Variants in TRIP12 observed in about 807,000 individuals in gnomAD.
TRIP12 encodes the protein E3 ubiquitin-protein ligase TRIP12.
Under a neutral mutation model 244.2 loss-of-function variants are expected in TRIP12, and 25 were observed. That is an observed-to-expected ratio of 0.10 (90% CI 0.07 to 0.14). The LOEUF (loss-of-function observed/expected upper bound fraction) is 0.14. Ranked by LOEUF, TRIP12 falls within the 10% of genes least tolerant of loss-of-function variation. TRIP12 has a pLI of 1.00. For missense variants in TRIP12, 1,677 were observed against 2,486.4 expected (o/e 0.67, Z 6.92); for synonymous variants, 905 against 873.1 (o/e 1.04, Z -0.64).
intron 31 of TRIP12, 133 bp from the exon 32 acceptor site, chr2:229,789,073 C>T: frequency 1.3e-6 from 1 of 777,670 alleles, no homozygotes; most frequent in Non-Finnish European, 2.0e-6. Context: ...ATACAACACA[C>T]AGCCTCTCAT....
intron 1 of TRIP12, among the ~76,000 whole-genome samples, chr2:229,898,710 A>G (rs1236741389): frequency 6.6e-6 from 1 of 152,102 alleles, no homozygotes; most frequent in Non-Finnish European, 1.5e-5. Flanking sequence ...ATTTTTTTTT[A>G]AAGACAGGGT....
rs1324639395 is a variant in TRIP12 at position 229,888,054 on chromosome 2, T to A, written c.-49-7926A>T. On this transcript the variant is annotated intron_variant, in intron 1 of 41. Transcript: ENST00000675903. ...TTTAAACTAGCTTTACTACAACAGC[T>A]TCCTGTCCTTATTAACTAGTCAAAC... 2.6e-5 allele frequency among the ~76,000 whole-genome samples: 4 copies of A among 152,236 alleles called. No homozygotes were observed. The South Asian group carries it at 8.3e-4, about 31-fold the overall frequency.
intron 2 of TRIP12, among the ~76,000 whole-genome samples, chr2:229,874,556 C>T (rs996029418): frequency 2.0e-5 from 3 of 151,796 alleles, no homozygotes; most frequent in African/African-American, 4.8e-5. Flanking sequence ...AATCATGGAG[C>T]CACTTTAAAT....
At chr2:229,914,324 G>A (rs932624018) in intron 1 of TRIP12, among the ~76,000 whole-genome samples, 1 of 152,180 alleles carries the variant, frequency 6.6e-6, no homozygotes, top group African/African-American at 2.4e-5. Flanking sequence ...CAGAGAGGAA[G>A]AAACAGTTCA....
intron 13 of TRIP12, among the ~76,000 whole-genome samples, chr2:229,812,712 A>C (rs1271476719): frequency 6.6e-6 from 1 of 152,198 alleles, no homozygotes; most frequent in African/African-American, 2.4e-5. Context: ...AGGCTGAGGC[A>C]GAAGAATCGC....
intron 39 of TRIP12, 93 bp from the exon 40 acceptor site, chr2:229,769,418 C>A: frequency 9.6e-7 from 1 of 1,038,922 alleles, no homozygotes; most frequent in Non-Finnish European, 1.4e-6. Flanking sequence ...AAAAGAGTAT[C>A]AGTCTCAGTA....
In TRIP12 at chr2:229,791,910, A is replaced by G. The variant is rs763830729; in HGVS notation, c.4371T>C (p.Asn1457=). Residue 1457 remains asparagine (N), a synonymous_variant, in exon 29 of 42, where the codon AAT becomes AAC. Transcript: ENST00000675903. The part of the protein sequence containing the change: ...DERESTDDES[N]PLGRAGIWTK... ...TCCAAATACCAGCTCTGCCTAGAGGATTGCTCTCATCATCTGTGGATTCTC... is the reference window on the plus strand; with the variant it reads ...TCCAAATACCAGCTCTGCCTAGAGGGTTGCTCTCATCATCTGTGGATTCTC... The G allele has an allele frequency of 2.5e-6, 4 of 1,613,984 alleles. No homozygotes were observed. Among genetic ancestry groups the G allele is most frequent in the Non-Finnish European group, 3.4e-6 (4 of 1,179,984 alleles).
intron 7 of TRIP12, 78 bp from the exon 8 acceptor site, chr2:229,829,366 G>T: frequency 8.8e-7 from 1 of 1,134,678 alleles, no homozygotes; most frequent in Non-Finnish European, 1.3e-6. Flanking sequence ...TCAAGTAACT[G>T]ATTCATCTCG....
Position 229,791,992 on chromosome 2 carries a change from T to C in TRIP12, c.4289A>G (p.Tyr1430Cys). ...TACTGCCTGATACACAGTCATGTTA[T>C]ACGGCAGCAAATGTTCTCCAATATA... ...QFYIGEHLLP[Y>C]NMTVYQAVRQ... The change falls in exon 29 of 42, where the codon TAT (tyrosine) becomes TGT (cysteine). Residue 1430 changes from tyrosine to cysteine, a missense_variant. Transcript: ENST00000675903. 6.2e-7 allele frequency: 1 copy of C among 1,614,192 alleles called. No individual in the cohort carries two copies. Among genetic ancestry groups the C allele is most frequent in the South Asian group, 1.1e-5 (1 of 91,086 alleles).
Position 229,836,855 on chromosome 2 carries a change from T to C in TRIP12, c.1263A>G (p.Gly421=). The C allele has an allele frequency of 6.3e-7, 1 of 1,591,260 alleles. No individual in the cohort carries two copies. The highest frequency in any genetic ancestry group is 1.1e-5 in the South Asian group (1 of 87,506). The change falls in exon 6 of 42, where the codon GGA becomes GGG. Residue 421 remains glycine (G), a synonymous_variant. Coordinates refer to ENST00000675903, the MANE Select transcript of TRIP12 (RefSeq NM_001348323.3). ...SAARTDEAPQ[G]AAASSSVAGA... ...TAAGAAGTACCAATCTACCTGCAGCTCCTTGGGGAGCTTCATCTGTCCGAG... is the reference window on the plus strand; with the variant it reads ...TAAGAAGTACCAATCTACCTGCAGCCCCTTGGGGAGCTTCATCTGTCCGAG...
chr2:229,769,522 C>T (rs540848169), intron 39 of TRIP12, among the ~76,000 whole-genome samples, 197 bp from the exon 40 acceptor site: 7 of 151,444 alleles, frequency 4.6e-5, no homozygotes, highest in South Asian at 2.1e-4. Context: ...TTTAGCTGTA[C>T]GCTATTAAGT....
rs142362498 is a variant in TRIP12, at chr2:229,809,116, T to C, written c.2222-747A>G. Among the ~76,000 whole-genome samples, 933 of 152,326 alleles carry C rather than the reference T, an allele frequency of 6.1e-3. 7 individuals carry two copies. The highest frequency in any genetic ancestry group is 0.021 in the African/African-American group (878 of 41,564). ...AATATACATAAACATTTTATTAGAA[T>C]GTTTTGCCAATAATCAGTAAGTTCT... On this transcript the variant is annotated intron_variant, in intron 15 of 41. Transcript: ENST00000675903.
At chr2:229,919,328 A>C (rs1289056972) in intron 1 of TRIP12, among the ~76,000 whole-genome samples, 3 of 152,138 alleles carry the variant, frequency 2.0e-5, no homozygotes, top group African/African-American at 7.2e-5. Context: ...AGGCAGGAGA[A>C]TCGCTTGAAC....
intron 21 of TRIP12, among the ~76,000 whole-genome samples, chr2:229,799,772 CA>C (rs369675716): frequency 0.065 from 8,238 of 127,662 alleles, 683 homozygotes; most frequent in African/African-American, 0.2. Flanking sequence ...GACTCCATCT[CA>C]AAAAAAAAAA....
chr2:229,864,029 AGAGAGAGAGAGAGAGAGAGT>A (rs1435429095), intron 2 of TRIP12, among the ~76,000 whole-genome samples: 63 of 141,452 alleles, frequency 4.5e-4, no homozygotes, highest in East Asian at 2.8e-3. Context: ...AGAGAGAGAG[AGAGAGAGAGAGAGAGAGAGT>A]GTGTGTGTGT....
rs986792251 is a variant in TRIP12 at position 229,778,090 on chromosome 2, A to T, written c.5364+343T>A. On this transcript the variant is annotated intron_variant, in intron 36 of 41. Coordinates refer to ENST00000675903, the MANE Select transcript of TRIP12 (RefSeq NM_001348323.3). The surrounding 1 kb of genome is among the most constrained non-coding windows in gnomAD (Gnocchi z 4.1). The stretch of plus-strand genomic sequence containing the variant: ...GTTACATGCACAAACTTTCCTACTG[A>T]ATTAAAAAGGTAATGTCAGACTTTA... 2.0e-5 allele frequency among the ~76,000 whole-genome samples: 3 copies of T among 152,232 alleles called. No individual in the cohort carries two copies. Among genetic ancestry groups the T allele is most frequent in the African/African-American group, 7.2e-5 (3 of 41,466 alleles).
rs745641958 is a variant in TRIP12 at position 229,791,296 on chromosome 2, C to CT, written c.4416-46dup. 3.1e-6 allele frequency: 5 copies of CT among 1,608,756 alleles called. No individual in the cohort carries two copies. In the African/African-American group the frequency reaches 5.4e-5, roughly 17 times the overall value. ...TATAAACCAAATGTAGATTTTGAAA[C>CT]TGATACAAAGCCAAAATCTAAGCCA... On this transcript the variant is annotated intron_variant, in intron 29 of 41. Transcript: ENST00000675903.
chr2:229,920,844 G>T (rs186446609), intron 1 of TRIP12, among the ~76,000 whole-genome samples: 36 of 152,248 alleles, frequency 2.4e-4, no homozygotes, highest in African/African-American at 8.7e-4. Context: ...TTCGTTATTC[G>T]AACTCCCCTC....
intron 1 of TRIP12, among the ~76,000 whole-genome samples, chr2:229,918,735 G>GT (rs1167548308): frequency 7.9e-5 from 12 of 152,172 alleles, no homozygotes; most frequent in African/African-American, 2.9e-4. Context: ...CTATAACTCT[G>GT]TACCTTCAAC....
Sources: gnomAD v4.1 joint callset for allele counts (sites outside exome capture counted in the v4.1 genomes callset) on GRCh38, gnomAD v4.1.1 for gene constraint, Gnocchi (gnomAD v3.1) non-coding constraint, MANE v1.5 for transcripts, NCBI Gene and HGNC (gene_info 2026-07-23, HGNC 2026-07-21) for gene names.